Variants in CRAMP1 observed in about 807,000 individuals in gnomAD.
CRAMP1 encodes the protein protein cramped-like.
A neutral mutation model predicts 115.4 loss-of-function variants in CRAMP1; 50 were observed. That is an observed-to-expected ratio of 0.43 (90% confidence interval 0.35 to 0.55). CRAMP1 has a LOEUF of 0.55. Among genes scored for constraint, CRAMP1 ranks in the 20% least tolerant of loss-of-function variants. CRAMP1 has a pLI of 0.01. For synonymous variants in CRAMP1, 866 were observed against 745.4 expected (o/e 1.16, Z -2.64); for missense variants, 1,679 against 1,721.7 (o/e 0.98, Z 0.44).
intron 4 of CRAMP1, among the ~76,000 whole-genome samples, chr16:1,636,736 C>T (rs1425005802): frequency 2.6e-5 from 4 of 152,250 alleles, no homozygotes; most frequent in Admixed American, 2.0e-4. Context: ...GTGGCCCAAG[C>T]GCCTCAGAAT....
intron 13 of CRAMP1, among the ~76,000 whole-genome samples, chr16:1,663,634 C>G (rs142211718): frequency 3.0e-4 from 45 of 152,258 alleles, no homozygotes; most frequent in Middle Eastern, 3.4e-3. Flanking sequence ...AACTTTATGA[C>G]TCAGTGGTCA....
chr16:1,666,243 T>C lies in CRAMP1; in HGVS notation c.2857+66T>C. On this transcript the variant is annotated intron_variant, in intron 15 of 20. Transcript: ENST00000397412. This position sits in a 1 kb window ranked among gnomAD's most constrained non-coding sequence, Gnocchi z 5.0. ...TCTGAGGGATGTTTTTGTGACCAGGTTTTTTGAATGTTTTCTTCTCCAAAT... is the reference window on the plus strand; with the variant it reads ...TCTGAGGGATGTTTTTGTGACCAGGCTTTTTGAATGTTTTCTTCTCCAAAT... 1 of 1,288,542 alleles carries C rather than the reference T, an allele frequency of 7.8e-7. No homozygotes were observed. The highest frequency in any genetic ancestry group is 2.5e-5 in the East Asian group (1 of 39,944). 79.8% of individuals were successfully genotyped at this position (1,288,542 alleles called of 1,614,324 possible).
At chr16:1,616,654 C>G (rs1027366671) in intron 2 of CRAMP1, among the ~76,000 whole-genome samples, 2 of 152,144 alleles carry the variant, frequency 1.3e-5, no homozygotes, top group African/African-American at 4.8e-5. Context: ...GAGCTTGGCT[C>G]ACACTTAGGT....
chr16:1,668,911 C>G, intron 18 of CRAMP1, 90 bp from the exon 19 acceptor site: 1 of 1,291,332 alleles, frequency 7.7e-7, no homozygotes. Context: ...CCCTGCGGCC[C>G]TGCTGCCTTC....
In CRAMP1 at chr16:1,674,051, C is replaced by T. The variant is rs183833808; in HGVS notation, c.*6C>T. The stretch of plus-strand genomic sequence containing the variant: ...TCAGTGACCTGTCCCAGTGACCACA[C>T]GTCCTGGTGGCGGATGAAGCCCTCT... On this transcript the variant is annotated 3_prime_UTR_variant, in exon 21 of 21. Transcript: ENST00000397412. 13 of 1,610,972 alleles carry T rather than the reference C, an allele frequency of 8.1e-6. No individual in the cohort carries two copies. Among genetic ancestry groups the T allele is most frequent in the East Asian group, 6.7e-5 (3 of 44,890 alleles).
intron 6 of CRAMP1, among the ~76,000 whole-genome samples, chr16:1,645,956 G>A (rs1228379750): frequency 6.6e-6 from 1 of 151,988 alleles, no homozygotes; most frequent in Non-Finnish European, 1.5e-5. Flanking sequence ...CTTGCCCCAA[G>A]CACCCTTTGC....
At chr16:1,664,610 CT>C (rs2036858403) in intron 13 of CRAMP1, among the ~76,000 whole-genome samples, 1 of 152,120 alleles carries the variant, frequency 6.6e-6, no homozygotes, top group Non-Finnish European at 1.5e-5. Context: ...GAAACCCCGT[CT>C]CTACTAAAAA....
chr16:1,668,420 C>T (rs757340164), intron 18 of CRAMP1, among the ~76,000 whole-genome samples: 1 of 152,210 alleles, frequency 6.6e-6, no homozygotes, highest in East Asian at 1.9e-4. Flanking sequence ...GACCTTCAGG[C>T]GAGACAGTGG....
chr16:1,662,687 C>A lies in CRAMP1; in HGVS notation c.2595+16C>A. 6.2e-7 allele frequency: 1 copy of A among 1,613,826 alleles called. No homozygotes were observed. The highest frequency in any genetic ancestry group is 8.5e-7 in the Non-Finnish European group (1 of 1,179,818). ...CTCCATCAGTGTGAGTGTGTGGGGCCGGGCCGCCCGCGTGCGAGCGTCCCC... is the reference window on the plus strand; with the variant it reads ...CTCCATCAGTGTGAGTGTGTGGGGCAGGGCCGCCCGCGTGCGAGCGTCCCC... On this transcript the variant is annotated intron_variant, in intron 12 of 20. Transcript: ENST00000397412.
chr16:1,618,038 G>A (rs962000711), intron 2 of CRAMP1, among the ~76,000 whole-genome samples: 2 of 152,226 alleles, frequency 1.3e-5, no homozygotes, highest in African/African-American at 4.8e-5. Context: ...ACCCTGGGAC[G>A]CACTGGAGAT....
intron 8 of CRAMP1, among the ~76,000 whole-genome samples, chr16:1,654,142 CA>C (rs1271683909): frequency 0.019 from 1,577 of 82,390 alleles, 7 homozygotes; most frequent in Middle Eastern, 0.033. Context: ...GATTCCATCT[CA>C]AAAAAAAAAA....
rs1291290682 is a variant in CRAMP1 at position 1,614,347 on chromosome 16, C to A, written c.-1-292C>A. On this transcript the variant is annotated intron_variant, in intron 1 of 20. Transcript: ENST00000397412. The surrounding 1 kb of genome is among the most constrained non-coding windows in gnomAD (Gnocchi z 4.4). Reference sequence around the variant, plus strand: ...GGCCGGGGCCGGGGCCGGGCAGGGTCCGCCGAGCTGTCGCGCCCTCCCGCC... The same window carrying A: ...GGCCGGGGCCGGGGCCGGGCAGGGTACGCCGAGCTGTCGCGCCCTCCCGCC... Among the ~76,000 whole-genome samples the A allele has an allele frequency of 7.8e-6, 1 of 128,942 alleles. No homozygotes were observed. Among genetic ancestry groups the A allele is most frequent in the Admixed American group, 7.3e-5 (1 of 13,692 alleles). The allele number at this position is 128,942 out of a possible 152,430, so 84.6% of individuals were successfully genotyped here. A position where few individuals can be genotyped will look rare whatever the true frequency, so the allele number is the denominator to read the frequency against.
intron 6 of CRAMP1, among the ~76,000 whole-genome samples, chr16:1,646,760 C>G (rs561224334): frequency 6.6e-6 from 1 of 152,224 alleles, no homozygotes; most frequent in East Asian, 1.9e-4. Context: ...AGAGATGTGC[C>G]CCTGTGTTTT....
At chr16:1,648,903 A>G (rs2036699214) in intron 6 of CRAMP1, among the ~76,000 whole-genome samples, 1 of 150,254 alleles carries the variant, frequency 6.7e-6, no homozygotes, top group Admixed American at 6.6e-5. Context: ...CTAAAAATAC[A>G]AAAAAATTAG....
In CRAMP1 at chr16:1,656,049, G is replaced by A; in HGVS notation, c.1292G>A (p.Arg431Gln). The change falls in exon 10 of 21, where the codon CGG (arginine) becomes CAG (glutamine). Residue 431 changes from arginine to glutamine, a missense_variant. This residue lies in a region of CRAMP1 where 191 missense variants were observed against 236.2 expected (regional missense o/e 0.81). Transcript: ENST00000397412. This position sits in a 1 kb window ranked among gnomAD's most constrained non-coding sequence, Gnocchi z 5.6. ...ACAGTGCACTGGCAGGAGGGCGGCC[G>A]GTGCAAGCAGAGTGCCAAGGACGCC... ...FCTVHWQEGG[R>Q]CKQSAKDAHV... The A allele has an allele frequency of 6.2e-7, 1 of 1,611,428 alleles. No individual in the cohort carries two copies. Among genetic ancestry groups the A allele is most frequent in the Non-Finnish European group, 8.5e-7 (1 of 1,179,372 alleles).
chr16:1,657,311 G>A (rs966119269), intron 10 of CRAMP1, among the ~76,000 whole-genome samples: 1 of 152,242 alleles, frequency 6.6e-6, no homozygotes, highest in Non-Finnish European at 1.5e-5. Flanking sequence ...GCTCCCTTCT[G>A]TGTGGGACAT....
intron 3 of CRAMP1, among the ~76,000 whole-genome samples, chr16:1,628,871 C>T (rs989662404): frequency 2.0e-5 from 3 of 152,244 alleles, no homozygotes; most frequent in Non-Finnish European, 4.4e-5. Flanking sequence ...TCTCCTGCTT[C>T]AGCTGCTCCT....
chr16:1,640,258 T>C (rs1211236797), intron 5 of CRAMP1, among the ~76,000 whole-genome samples: 1 of 152,226 alleles, frequency 6.6e-6, no homozygotes, highest in African/African-American at 2.4e-5. Flanking sequence ...TCTTAAAAGA[T>C]GTATTTGCCG....
chr16:1,621,861 T>G (rs1404530869), intron 2 of CRAMP1, among the ~76,000 whole-genome samples: 5 of 152,236 alleles, frequency 3.3e-5, no homozygotes, highest in African/African-American at 1.2e-4. Flanking sequence ...TTTGGCCTTC[T>G]GCTTTTCGCT....
Sources: gnomAD v4.1 joint callset for allele counts (sites outside exome capture counted in the v4.1 genomes callset) on GRCh38, gnomAD v4.1.1 for gene constraint, gnomAD v4.1.1 regional missense constraint, Gnocchi (gnomAD v3.1) non-coding constraint, MANE v1.5 for transcripts, NCBI Gene and HGNC (gene_info 2026-07-23, HGNC 2026-07-21) for gene names.